SLC14A2: variants seen among roughly 807,000 people sequenced by gnomAD.
SLC14A2 encodes the protein solute carrier family 14 member 2.
SLC14A2 carries 91 observed loss-of-function variants against 104.6 expected under a neutral mutation model. The ratio of observed to expected loss-of-function variants is 0.87; its 90% CI spans 0.73 to 1.04. The LOEUF (loss-of-function observed/expected upper bound fraction) is 1.04, where lower values mean the gene tolerates loss of function less well. Ranked by LOEUF, SLC14A2 falls within the 50% of genes least tolerant of loss-of-function variation. The pLI, the probability that SLC14A2 is intolerant of heterozygous loss-of-function variation, is 0.00. For synonymous variants in SLC14A2, 476 were observed against 466.4 expected, an observed-to-expected ratio of 1.02 and a Z score of -0.27; for missense variants, 1,189 against 1,156.0, an observed-to-expected ratio of 1.03 and a Z score of -0.41.
upstream of SLC14A2, among the ~76,000 whole-genome samples, chr18:45,211,333 C>T (rs944248748): frequency 2.6e-5 from 4 of 152,170 alleles, no homozygotes; most frequent in Admixed American, 1.3e-4. Flanking sequence ...GCACATTATT[C>T]TTTAGCCTAT....
intron 2 of SLC14A2, among the ~76,000 whole-genome samples, chr18:45,497,394 G>A (rs2043117133): frequency 6.6e-6 from 1 of 152,142 alleles, no homozygotes; most frequent in Non-Finnish European, 1.5e-5. Flanking sequence ...TCCTGTGTGG[G>A]GGTCATATTC....
At chr18:45,214,930 AAAAAAG>A (rs1454617905) in intron 1 of SLC14A2, among the ~76,000 whole-genome samples, 2 of 150,940 alleles carry the variant, frequency 1.3e-5, no homozygotes, top group Non-Finnish European at 3.0e-5. Context: ...AAAAAAAAAA[AAAAAAG>A]AAAAGAAATA....
chr18:45,336,995 A>G (rs529374738), intron 1 of SLC14A2, among the ~76,000 whole-genome samples: 2 of 151,610 alleles, frequency 1.3e-5, no homozygotes, highest in African/African-American at 4.8e-5. Context: ...TTTATAGCCT[A>G]GTTTTTTTTT....
intron 5 of SLC14A2, among the ~76,000 whole-genome samples, chr18:45,633,527 C>T (rs962417271): frequency 6.6e-6 from 1 of 152,188 alleles, no homozygotes; most frequent in Non-Finnish European, 1.5e-5. Flanking sequence ...TCTTAGTTCA[C>T]GTAAATTTAC....
chr18:45,293,296 A>G (rs1311259242), intron 1 of SLC14A2, among the ~76,000 whole-genome samples: 5 of 152,156 alleles, frequency 3.3e-5, no homozygotes, highest in Admixed American at 3.3e-4. Context: ...GTATTCATTC[A>G]TAAACACTTA....
At chr18:45,681,799 T>G (rs1035628698) in intron 19 of SLC14A2, among the ~76,000 whole-genome samples, 1 of 152,216 alleles carries the variant, frequency 6.6e-6, no homozygotes, top group African/African-American at 2.4e-5. Context: ...GTTCAACTAT[T>G]CAAGAGAGGG....
intron 6 of SLC14A2, among the ~76,000 whole-genome samples, chr18:45,639,424 A>G (rs2045480275): frequency 6.6e-6 from 1 of 152,218 alleles, no homozygotes; most frequent in Admixed American, 6.5e-5. Flanking sequence ...GAGAGCCCTG[A>G]AACTCCCAGC....
intron 1 of SLC14A2, among the ~76,000 whole-genome samples, chr18:45,412,360 A>G (rs1244058802): frequency 1.3e-5 from 2 of 152,214 alleles, no homozygotes; most frequent in African/African-American, 2.4e-5. Context: ...TAACTAGTAA[A>G]TTAGCAGTCA....
chr18:45,316,368 G>A (rs1364283909), intron 1 of SLC14A2, among the ~76,000 whole-genome samples: 1 of 152,208 alleles, frequency 6.6e-6, no homozygotes, highest in African/African-American at 2.4e-5. Flanking sequence ...TGAGATAAAG[G>A]GAAGAGGAGG....
intron 10 of SLC14A2, among the ~76,000 whole-genome samples, chr18:45,656,537 G>A (rs2045840162): frequency 6.6e-6 from 1 of 152,210 alleles, no homozygotes; most frequent in South Asian, 2.1e-4. Context: ...AAAGAGGAAA[G>A]ATCAAAATTA....
intron 2 of SLC14A2, among the ~76,000 whole-genome samples, chr18:45,606,727 G>C (rs1188149357): frequency 1.4e-5 from 2 of 139,402 alleles, no homozygotes; most frequent in Non-Finnish European, 3.0e-5. Flanking sequence ...AACTGACAAA[G>C]TCTAATTAAA....
intron 1 of SLC14A2, among the ~76,000 whole-genome samples, chr18:45,326,316 C>G (rs2085233720): frequency 6.6e-6 from 1 of 152,094 alleles, no homozygotes; most frequent in South Asian, 2.1e-4. Context: ...GGCTAGGATC[C>G]TCATAAATGA....
chr18:45,571,784 G>A (rs1455584823), intron 2 of SLC14A2, among the ~76,000 whole-genome samples: 1 of 152,184 alleles, frequency 6.6e-6, no homozygotes, highest in Non-Finnish European at 1.5e-5. Context: ...ATTACTTGAA[G>A]AGCCACCAAA....
chr18:45,185,596 G>A, the SLC14A2 span, among the ~76,000 whole-genome samples: 1 of 152,178 alleles, frequency 6.6e-6, no homozygotes, highest in Admixed American at 6.5e-5. Context: ...AGACAAGGAT[G>A]TCTACCCTAT....
At chr18:45,643,203 C>T in intron 9 of SLC14A2, 22 bp downstream of exon 9, 2 of 1,608,890 alleles carry the variant, frequency 1.2e-6, no homozygotes, top group Non-Finnish European at 1.7e-6. Flanking sequence ...TTCTCCTGAA[C>T]ACTACCCCAA....
At chr18:45,217,538 G>T (rs1267654988) in intron 1 of SLC14A2, among the ~76,000 whole-genome samples, 20 of 151,950 alleles carry the variant, frequency 1.3e-4, no homozygotes, top group Admixed American at 1.3e-3. Context: ...GAAGAAGAGG[G>T]AAAGGGTTCT....
intron 1 of SLC14A2, among the ~76,000 whole-genome samples, chr18:45,258,645 T>C (rs1408768080): frequency 7.0e-6 from 1 of 143,492 alleles, no homozygotes; most frequent in Non-Finnish European, 1.5e-5. Context: ...TCAATTGATT[T>C]GGATGACCAT....
intron 2 of SLC14A2, among the ~76,000 whole-genome samples, chr18:45,517,362 C>T (rs1490757263): frequency 6.6e-6 from 1 of 152,208 alleles, no homozygotes; most frequent in Non-Finnish European, 1.5e-5. Flanking sequence ...TCGCCCCAGC[C>T]AGGCTGACCT....
chr18:45,485,245 T>C (rs1370017457), intron 2 of SLC14A2: 1 of 152,222 alleles, frequency 6.6e-6, no homozygotes. Flanking sequence ...CCTGGCCTTT[T>C]AAGTCAAAAT....
Sources: gnomAD v4.1 joint callset for allele counts (sites outside exome capture counted in the v4.1 genomes callset) on GRCh38, gnomAD v4.1.1 for gene constraint, MANE v1.5 for transcripts, NCBI Gene and HGNC (gene_info 2026-07-23, HGNC 2026-07-21) for gene names.